The following PGAP1 variants were observed in gnomAD, a reference collection of about 807,000 sequenced individuals.
The protein encoded by PGAP1 is post-GPI attachment to proteins inositol deacylase 1.
In PGAP1, 76 loss-of-function variants were observed where a neutral mutation model predicts 127.0. The ratio of observed to expected loss-of-function variants is 0.60; its 90% confidence interval spans 0.50 to 0.72. The LOEUF (loss-of-function observed/expected upper bound fraction) is 0.72. Among genes scored for constraint, PGAP1 ranks in the 30% least tolerant of loss-of-function variants. The pLI, the probability that PGAP1 is intolerant of heterozygous loss-of-function variation, is 0.00. For missense variants in PGAP1, 982 were observed against 1,071.3 expected (o/e 0.92, Z 1.16); for synonymous variants, 362 against 366.5 (o/e 0.99, Z 0.14).
At chr2:196,889,136 T>A (rs1303067347) in intron 10 of PGAP1, among the ~76,000 whole-genome samples, 1 of 152,190 alleles carries the variant, frequency 6.6e-6, no homozygotes, top group Non-Finnish European at 1.5e-5. Context: ...GCCAAATGAA[T>A]AATTTGCACT....
Position 196,849,615 on chromosome 2 carries a change from A to T in PGAP1, c.1862-1578T>A, listed in dbSNP as rs1576093480. Among the ~76,000 whole-genome samples the T allele has an allele frequency of 2.0e-5, 3 of 152,024 alleles. No individual in the cohort carries two copies. In the South Asian group the frequency reaches 6.2e-4, roughly 32 times the overall value. ...TAAAAGGCTGGGTCTGGCACAGATC[A>T]ACTGAATATTGCTTACCACTTCCTG... On this transcript the variant is annotated intron_variant, in intron 20 of 26. Transcript: ENST00000354764.
intron 20 of PGAP1, among the ~76,000 whole-genome samples, chr2:196,848,850 ACT>A (rs931269624): frequency 6.6e-6 from 1 of 152,010 alleles, no homozygotes; most frequent in Non-Finnish European, 1.5e-5. Context: ...TTATGCAATA[ACT>A]CTGTATTTAG....
chr2:196,887,682 G>A (rs1260386042), intron 10 of PGAP1, among the ~76,000 whole-genome samples: 1 of 152,138 alleles, frequency 6.6e-6, no homozygotes, highest in Non-Finnish European at 1.5e-5. Context: ...TGATGAATCA[G>A]GCAGACATAG....
intron 1 of PGAP1, among the ~76,000 whole-genome samples, chr2:196,924,454 T>C (rs1703306841): frequency 6.6e-6 from 1 of 152,204 alleles, no homozygotes; most frequent in East Asian, 1.9e-4. Context: ...TCTCACTATG[T>C]TCAAAATGAC....
intron 20 of PGAP1, among the ~76,000 whole-genome samples, chr2:196,849,440 ATT>A (rs1170104400): frequency 1.0e-4 from 13 of 128,098 alleles, no homozygotes; most frequent in Admixed American, 1.6e-4. Context: ...ATTTTTTTGT[ATT>A]TTTTTTTTTT....
chr2:196,916,483 C>T lies in PGAP1; in HGVS notation c.412G>A (p.Gly138Arg), dbSNP rs1703012927. Residue 138 changes from glycine to arginine, a missense_variant, in exon 3 of 27, where the codon GGA becomes AGA. Transcript: ENST00000354764. The part of the protein sequence containing the change: ...FNEELVALYG[G>R]SLQKQTKFVH... ...AACTTGGTCTGCTTCTGAAGACTTC[C>T]ACCATACAAAGCCACCAGTTCTTCA... 9 of 1,613,532 alleles carry T rather than the reference C, an allele frequency of 5.6e-6. No homozygotes were observed. Among genetic ancestry groups the T allele is most frequent in the Non-Finnish European group, 7.6e-6 (9 of 1,179,780 alleles).
intron 4 of PGAP1, among the ~76,000 whole-genome samples, chr2:196,902,944 T>C (rs908733483): frequency 2.0e-5 from 3 of 152,070 alleles, no homozygotes; most frequent in African/African-American, 7.2e-5. Context: ...AATAAAAGTA[T>C]AAATACTAAG....
chr2:196,846,673 T>C (rs1700564784), intron 22 of PGAP1, among the ~76,000 whole-genome samples: 1 of 152,188 alleles, frequency 6.6e-6, no homozygotes, highest in Non-Finnish European at 1.5e-5. Flanking sequence ...CTGGTTTCAA[T>C]ATAGAAGTCA....
At chr2:196,871,058 C>A (rs78400369) in intron 18 of PGAP1, 79 bp from the exon 19 acceptor site, 16,528 of 971,112 alleles carry the variant, frequency 0.017, 216 homozygotes, top group Admixed American at 0.046. Context: ...AGCACTTATG[C>A]ATATCTCTAA....
At chr2:196,911,373 G>A (rs1272270597) in intron 4 of PGAP1, among the ~76,000 whole-genome samples, 1 of 45,314 alleles carries the variant, frequency 2.2e-5, no homozygotes, top group Non-Finnish European at 4.2e-5. Flanking sequence ...ACCAAACACC[G>A]CATATTCTCA....
intron 7 of PGAP1, among the ~76,000 whole-genome samples, chr2:196,894,481 G>C (rs1270745261): frequency 2.0e-5 from 3 of 152,138 alleles, no homozygotes; most frequent in African/African-American, 7.2e-5. Context: ...ACATCTGTTT[G>C]CAATCAATTA....
chr2:196,872,409 A>C (rs1266808914), intron 18 of PGAP1, 32 bp downstream of exon 18: 7 of 1,450,230 alleles, frequency 4.8e-6, no homozygotes, highest in Admixed American at 1.7e-5. Context: ...TCTACAACTA[A>C]ATCTTAAAAA....
At chr2:196,888,689 T>C (rs1207179495) in intron 10 of PGAP1, among the ~76,000 whole-genome samples, 1 of 152,160 alleles carries the variant, frequency 6.6e-6, no homozygotes, top group African/African-American at 2.4e-5. Context: ...AAAGGCAATG[T>C]ATACTTTGGA....
intron 1 of PGAP1, among the ~76,000 whole-genome samples, chr2:196,923,403 A>G (rs1703269233): frequency 6.6e-6 from 1 of 152,140 alleles, no homozygotes; most frequent in African/African-American, 2.4e-5. Context: ...GCTCTCCCTT[A>G]TATGAAAAGC....
At chr2:196,884,087 A>G (rs964356994) in intron 12 of PGAP1, among the ~76,000 whole-genome samples, 1 of 152,190 alleles carries the variant, frequency 6.6e-6, no homozygotes, top group African/African-American at 2.4e-5. Flanking sequence ...TAAAAATTTT[A>G]TGATTTAAGA....
intron 12 of PGAP1, among the ~76,000 whole-genome samples, chr2:196,881,195 T>A (rs909105428): frequency 3.9e-5 from 6 of 152,202 alleles, no homozygotes; most frequent in Non-Finnish European, 8.8e-5. Flanking sequence ...GCAAAGAACA[T>A]GATCTCATTC....
At chr2:196,905,036 A>T (rs1373505017) in intron 4 of PGAP1, among the ~76,000 whole-genome samples, 1 of 152,232 alleles carries the variant, frequency 6.6e-6, no homozygotes, top group East Asian at 1.9e-4. Flanking sequence ...GAATAAATAT[A>T]GAATAAAAAG....
At chr2:196,885,346 A>G in intron 12 of PGAP1, 78 bp downstream of exon 12, 1 of 930,366 alleles carries the variant, frequency 1.1e-6, no homozygotes. Flanking sequence ...TAAGCTAATG[A>G]AAGAGAATAT....
In PGAP1 at chr2:196,878,073, G is replaced by T. The variant is rs570133360; in HGVS notation, c.1350+2003C>A. On this transcript the variant is annotated intron_variant, in intron 13 of 26. Transcript: ENST00000354764. The stretch of plus-strand genomic sequence containing the variant: ...AAATAGGAAAAGGGGAGTCCGAAGG[G>T]CCCTTTACCTCCATTTTCTTTCTTA... Among the ~76,000 whole-genome samples, 46 of 152,094 alleles carry T rather than the reference G, an allele frequency of 3.0e-4. No homozygotes were observed. The South Asian group carries it at 9.6e-3, about 32-fold the overall frequency.
Sources: gnomAD v4.1 joint callset for allele counts (sites outside exome capture counted in the v4.1 genomes callset) on GRCh38, gnomAD v4.1.1 for gene constraint, MANE v1.5 for transcripts, NCBI Gene and HGNC (gene_info 2026-07-23, HGNC 2026-07-21) for gene names.